FLII: variants seen among roughly 807,000 people sequenced by gnomAD.
FLII encodes FLII actin remodeling protein, also known as protein flightless-1 homolog.
Under a neutral mutation model 156.2 loss-of-function variants are expected in FLII, and 101 were observed. The ratio of observed to expected loss-of-function variants is 0.65; its 90% CI spans 0.55 to 0.76. The LOEUF is 0.76. Among genes scored for constraint, FLII ranks in the 30% least tolerant of loss-of-function variants. The pLI, the probability that FLII is intolerant of heterozygous loss-of-function variation, is 0.00. For missense variants in FLII, 1,675 were observed against 1,682.8 expected, an observed-to-expected ratio of 1.00 and a Z score of 0.08; for synonymous variants, 767 against 685.8, an observed-to-expected ratio of 1.12 and a Z score of -1.85.
chr17:18,246,363 C>T lies in FLII; in HGVS notation c.3151G>A (p.Ala1051Thr), dbSNP rs764698657. 5.6e-5 allele frequency: 91 copies of T among 1,613,744 alleles called. No individual in the cohort carries two copies. The highest frequency in any genetic ancestry group is 7.0e-5 in the Non-Finnish European group (83 of 1,180,002). Residue 1051 changes from alanine to threonine, a missense_variant, in exon 24 of 30, where the codon GCC (alanine) becomes ACC (threonine). Transcript: ENST00000327031. ...HRGKRKAVQG[A>T]QQPSLYQIRT... Reference sequence around the variant, plus strand: ...ATCTGGTAGAGGCTGGGCTGTTGGGCGCCCTGGACCGCCTTCCTCTTGCCC... The same window carrying T: ...ATCTGGTAGAGGCTGGGCTGTTGGGTGCCCTGGACCGCCTTCCTCTTGCCC...
chr17:18,245,288 C>T lies in FLII; in HGVS notation c.3676-16G>A, dbSNP rs373435657. Reference sequence around the variant, plus strand: ...GGATATATACCTGGCAAGGGGACAGCGAGCCTTGGGTGATGACCCTGCCCT... The same window carrying T: ...GGATATATACCTGGCAAGGGGACAGTGAGCCTTGGGTGATGACCCTGCCCT... On this transcript the variant is annotated splice_polypyrimidine_tract_variant and intron_variant, in intron 29 of 29. Transcript: ENST00000327031. The T allele has an allele frequency of 2.4e-5, 38 of 1,612,114 alleles. No individual in the cohort carries two copies. In the Middle Eastern group the frequency reaches 4.9e-4, roughly 21 times the overall value.
rs1157111501 is a variant in FLII at position 18,248,901 on chromosome 17, G to A, written c.1935-18C>T. On this transcript the variant is annotated intron_variant, in intron 16 of 29. Transcript: ENST00000327031. ...AAACAAACCTGGACAAGAAGGGGCA[G>A]GAAGGAGCTGTGATGGTGCATGGGG... The A allele has an allele frequency of 2.5e-6, 4 of 1,606,388 alleles. No individual in the cohort carries two copies. The highest frequency in any genetic ancestry group is 1.3e-5 in the African/African-American group (1 of 74,804).
Position 18,246,633 on chromosome 17 carries a change from C to G in FLII, c.3012G>C (p.Leu1004=). Residue 1004 remains leucine, a synonymous_variant, in exon 23 of 30, where the codon CTG becomes CTC. Transcript: ENST00000327031. ...NMGWLTFTFS[L]QKKFESLFPG... is the part of the protein sequence containing the mutation. ...GGAAGAGGCTCTCGAACTTCTTTTGCAGGCTGAAGGTGAAGGTGAGCCAGC... is the reference window on the plus strand; with the variant it reads ...GGAAGAGGCTCTCGAACTTCTTTTGGAGGCTGAAGGTGAAGGTGAGCCAGC... 2 of 1,613,934 alleles carry G rather than the reference C, an allele frequency of 1.2e-6. No homozygotes were observed. The highest frequency in any genetic ancestry group is 1.7e-6 in the Non-Finnish European group (2 of 1,179,888).
rs200799100 is a variant in FLII, at chr17:18,245,162, G to A, written c.3786C>T (p.Ser1262=). The change falls in exon 30 of 30, where the codon AGC becomes AGT. Residue 1262 remains serine, a synonymous_variant. Transcript: ENST00000327031. ...HAFTRCFHAW[S]AFCKALA Reference sequence around the variant, plus strand: ...CTTAGGCCAGGGCCTTGCAGAAGGCGCTCCAGGCGTGGAAGCAGCGGGTAA... The same window carrying A: ...CTTAGGCCAGGGCCTTGCAGAAGGCACTCCAGGCGTGGAAGCAGCGGGTAA... The A allele has an allele frequency of 8.7e-5, 140 of 1,613,460 alleles. 1 individual carries two copies. The highest frequency in any genetic ancestry group is 1.1e-4 in the East Asian group (5 of 44,850).
At position 18,244,928 on chromosome 17, in the gene FLII, T is replaced by A. The variant is rs1405572472; in HGVS notation, c.*210A>T. 4 of 600,468 alleles carry A rather than the reference T, an allele frequency of 6.7e-6. No homozygotes were observed. The highest frequency in any genetic ancestry group is 1.2e-5 in the Non-Finnish European group (4 of 338,928). 37.2% of individuals were successfully genotyped at this position (600,468 alleles called of 1,614,324 possible). A position where few individuals can be genotyped will look rare whatever the true frequency, so the allele number is the denominator to read the frequency against. On this transcript the variant is annotated 3_prime_UTR_variant, in exon 30 of 30. Transcript: ENST00000327031. ...CGGAAGAGTGAGGGGGCTTCACACG[T>A]GCACTCACACTGTGGAGAGAGTTGG...
rs536855588 is a variant in FLII, at chr17:18,255,065, C to T, written c.327+118G>A. ...ACCTCAGGCAAGGTATTATCCACTCCAAGACTCAGTTTTCCCATCTGCAAA... is the reference window on the plus strand; with the variant it reads ...ACCTCAGGCAAGGTATTATCCACTCTAAGACTCAGTTTTCCCATCTGCAAA... On this transcript the variant is annotated intron_variant, in intron 4 of 29. Coordinates refer to ENST00000327031, the MANE Select transcript of FLII (RefSeq NM_002018.4). 14 of 970,272 alleles carry T rather than the reference C, an allele frequency of 1.4e-5. No homozygotes were observed. The Admixed American group carries it at 2.0e-4, about 14-fold the overall frequency. 60.1% of individuals were successfully genotyped at this position (970,272 alleles called of 1,614,324 possible). A position where few individuals can be genotyped will look rare whatever the true frequency, so the allele number is the denominator to read the frequency against.
Position 18,253,705 on chromosome 17 carries a change from A to G in FLII, c.694T>C (p.Cys232Arg). ...LSNLADVDLS[C>R]NDLTRVPECL... ...TCGGGCACCCGTGTCAGGTCATTGCAGGACAGATCCACGTCTGGGGTGCAG... is the reference window on the plus strand; with the variant it reads ...TCGGGCACCCGTGTCAGGTCATTGCGGGACAGATCCACGTCTGGGGTGCAG... Residue 232 changes from cysteine (C) to arginine (R), a missense_variant, in exon 8 of 30, where the codon TGC becomes CGC. Coordinates refer to ENST00000327031, the MANE Select transcript of FLII (RefSeq NM_002018.4). The G allele has an allele frequency of 6.2e-7, 1 of 1,610,618 alleles. No homozygotes were observed. Among genetic ancestry groups the G allele is most frequent in the Admixed American group, 1.7e-5 (1 of 59,840 alleles).
chr17:18,258,467 G>A lies in FLII; in HGVS notation c.63+161C>T. 1.3e-6 allele frequency: 2 copies of A among 1,511,206 alleles called. No homozygotes were observed. The highest frequency in any genetic ancestry group is 1.8e-6 in the Non-Finnish European group (2 of 1,136,222). The allele number at this position is 1,511,206 out of a possible 1,614,324, so 93.6% of individuals were successfully genotyped here. ...CGTACAGGCACTGGGCGGAGGCCTC[G>A]GAGGTCCATTCCTGGCCAGGGGAGA... On this transcript the variant is annotated intron_variant, in intron 1 of 29. Transcript: ENST00000327031. This position sits in a 1 kb window ranked among gnomAD's most constrained non-coding sequence, Gnocchi z 4.2.
In FLII at chr17:18,246,214, T is replaced by C. The variant is rs1231313538; in HGVS notation, c.3215A>G (p.Gln1072Arg). 3 of 1,614,156 alleles carry C rather than the reference T, an allele frequency of 1.9e-6. No individual in the cohort carries two copies. The highest frequency in any genetic ancestry group is 1.1e-5 in the South Asian group (1 of 91,080). Residue 1072 changes from glutamine to arginine, a missense_variant, in exon 25 of 30, where the codon CAG becomes CGG. By Grantham distance (43) the Gln-to-Arg change is conservative. Coordinates refer to ENST00000327031, the MANE Select transcript of FLII (RefSeq NM_002018.4). ...GAGGAGGCTGGAGTCGGTGTTGATC[T>C]GGATGCACCTGTGGAAGGGATGGGG... ...NGSALCTRCI[Q>R]INTDSSLLNS... is the part of the protein sequence containing the mutation.
At chr17:18,254,718 C>A in intron 5 of FLII, 36 bp from the exon 6 acceptor site, 3 of 1,613,770 alleles carry the variant, frequency 1.9e-6, no homozygotes, top group Non-Finnish European at 2.5e-6. Context: ...TGAGTCAGCA[C>A]CAGCCACCCC....
Position 18,254,513 on chromosome 17 carries a change from G to A in FLII, c.575+8C>T. ...TTCTGCAGGAGTGCGGTCCGAGGGG[G>A]CGCCCACCGGAGCTGTGCATGCAGC... On this transcript the variant is annotated splice_region_variant and intron_variant, in intron 6 of 29. Coordinates refer to ENST00000327031, the MANE Select transcript of FLII (RefSeq NM_002018.4). 6.2e-7 allele frequency: 1 copy of A among 1,603,784 alleles called. No individual in the cohort carries two copies. Among genetic ancestry groups the A allele is most frequent in the Non-Finnish European group, 8.5e-7 (1 of 1,176,542 alleles).
At chr17:18,255,134 T>A in intron 4 of FLII, 49 bp downstream of exon 4, 15 of 1,420,090 alleles carry the variant, frequency 1.1e-5, no homozygotes, top group Non-Finnish European at 1.3e-5. Context: ...TGAGTGGGGA[T>A]TGAATGGTCC....
upstream of FLII, chr17:18,258,805 G>A: frequency 1.7e-6 from 1 of 575,386 alleles, no homozygotes; most frequent in Non-Finnish European, 2.4e-6. This position sits in a 1 kb window ranked among gnomAD's most constrained non-coding sequence, Gnocchi z 4.2. Context: ...GCCCGCGCCC[G>A]CCGCATTCCG....
rs569060890 is a variant in FLII at position 18,252,623 on chromosome 17, C to T, written c.1014-67G>A. 470 of 1,333,684 alleles carry T rather than the reference C, an allele frequency of 3.5e-4. 5 individuals carry two copies. In the South Asian group the frequency reaches 5.4e-3, roughly 15 times the overall value. The allele number at this position is 1,333,684 out of a possible 1,614,324, so 82.6% of individuals were successfully genotyped here. On this transcript the variant is annotated intron_variant, in intron 9 of 29. Transcript: ENST00000327031. ...ACAAGGGGAAGTGGGCAAGAAAACCCCTAGTCCTGGGGAGGGGAGGCAGGT... is the reference window on the plus strand; with the variant it reads ...ACAAGGGGAAGTGGGCAAGAAAACCTCTAGTCCTGGGGAGGGGAGGCAGGT...
chr17:18,256,443 C>T, intron 3 of FLII, 83 bp downstream of exon 3: 2 of 1,124,490 alleles, frequency 1.8e-6, no homozygotes, highest in African/African-American at 1.5e-5. Flanking sequence ...GCTGGCCCAG[C>T]TTGGTGTCTA....
Position 18,258,211 on chromosome 17 carries a change from G to A in FLII, c.63+417C>T, listed in dbSNP as rs1411412354. On this transcript the variant is annotated intron_variant, in intron 1 of 29. Coordinates refer to ENST00000327031, the MANE Select transcript of FLII (RefSeq NM_002018.4). The surrounding 1 kb of genome is among the most constrained non-coding windows in gnomAD (Gnocchi z 4.2). ...TGGCGGGTGGCGGTGGCGGGGAGAG[G>A]GCAGTGATGAGTCGGCTCCACACCC... Among the ~76,000 whole-genome samples the A allele has an allele frequency of 6.6e-6, 1 of 152,234 alleles. No homozygotes were observed. The highest frequency in any genetic ancestry group is 1.5e-5 in the Non-Finnish European group (1 of 68,020).
chr17:18,245,644 C>T lies in FLII; in HGVS notation c.3520G>A (p.Gly1174Ser), dbSNP rs1190799464. Residue 1174 changes from glycine to serine, a missense_variant, in exon 28 of 30, where the codon GGC becomes AGC. Physicochemically the swap from Gly to Ser is moderately conservative, Grantham distance 56 (BLOSUM62 0). This residue lies in a region of FLII where 1,332 missense variants were observed against 1,269.3 expected (regional missense o/e 1.05). Coordinates refer to ENST00000327031, the MANE Select transcript of FLII (RefSeq NM_002018.4). ...TRLFRCSNEK[G>S]YFAVTEKCSD... ...CATTTCTCAGTCACTGCAAAGTAGC[C>T]CTTCTCGTTGGAGCACCTGGGAATC... The T allele has an allele frequency of 6.2e-7, 1 of 1,613,728 alleles. No individual in the cohort carries two copies. Among genetic ancestry groups the T allele is most frequent in the Non-Finnish European group, 8.5e-7 (1 of 1,180,002 alleles).
chr17:18,253,610 C>T lies in FLII; in HGVS notation c.789G>A (p.Leu263=). The T allele has an allele frequency of 6.2e-7, 1 of 1,614,116 alleles. No individual in the cohort carries two copies. The highest frequency in any genetic ancestry group is 8.5e-7 in the Non-Finnish European group (1 of 1,180,028). ...LSSNQITELS[L]CIDQWVHVET... is the part of the protein sequence containing the mutation. ...CCACGTGCACCCACTGGTCTATGCA[C>T]AGGGACAGCTCCGTGATCTGGTTGC... The change falls in exon 8 of 30, where the codon CTG becomes CTA. Residue 263 remains leucine (L), a synonymous_variant. Transcript: ENST00000327031.
At position 18,258,697 on chromosome 17, in the gene FLII, GCT is replaced by G; in HGVS notation, c.-9_-8del. On this transcript the variant is annotated 5_prime_UTR_variant, in exon 1 of 30. Coordinates refer to ENST00000327031, the MANE Select transcript of FLII (RefSeq NM_002018.4). The surrounding 1 kb of genome is among the most constrained non-coding windows in gnomAD (Gnocchi z 4.2). ...GCACCCCGGTGGCCTCCATGGCGCCGCTCTCGCTGCCGGGCCGCGCCGGGCTA... is the reference window on the plus strand; with the variant it reads ...GCACCCCGGTGGCCTCCATGGCGCCGCTCGCTGCCGGGCCGCGCCGGGCTA... 6 of 1,480,244 alleles carry G rather than the reference GCT, an allele frequency of 4.1e-6. No homozygotes were observed. The highest frequency in any genetic ancestry group is 5.3e-6 in the Non-Finnish European group (6 of 1,122,068). The allele number at this position is 1,480,244 out of a possible 1,614,324, so 91.7% of individuals were successfully genotyped here. A position where few individuals can be genotyped will look rare whatever the true frequency, so the allele number is the denominator to read the frequency against.
Sources: allele counts gnomAD v4.1 joint callset (sites outside exome capture counted in the v4.1 genomes callset), GRCh38; gene constraint gnomAD v4.1.1; regional missense constraint gnomAD v4.1.1; non-coding constraint Gnocchi (gnomAD v3.1); transcripts MANE v1.5; gene names NCBI Gene and HGNC (gene_info 2026-07-23, HGNC 2026-07-21).